The following DCBLD1 variants were observed in gnomAD, a reference collection of about 807,000 sequenced individuals.
DCBLD1 encodes discoidin, CUB and LCCL domain-containing protein 1.
A neutral mutation model predicts 71.5 loss-of-function variants in DCBLD1; 57 were observed. The ratio of observed to expected loss-of-function variants is 0.80; its 90% CI spans 0.64 to 0.99. The LOEUF (loss-of-function observed/expected upper bound fraction) is 0.99. Ranked by LOEUF, DCBLD1 falls within the 50% of genes least tolerant of loss-of-function variation. DCBLD1 has a pLI of 0.00. For missense variants in DCBLD1, 891 were observed against 923.5 expected, an observed-to-expected ratio of 0.96 and a Z score of 0.46; for synonymous variants, 380 against 363.8, an observed-to-expected ratio of 1.04 and a Z score of -0.51.
chr6:117,508,865 GA>G (rs1357514602), intron 2 of DCBLD1, among the ~76,000 whole-genome samples: 2 of 152,306 alleles, frequency 1.3e-5, no homozygotes, highest in Admixed American at 6.5e-5. Flanking sequence ...GGTCTCAAAG[GA>G]GGTTGTTCTG....
At chr6:117,534,301 T>G (rs1202786992) in intron 6 of DCBLD1, among the ~76,000 whole-genome samples, 2 of 152,234 alleles carry the variant, frequency 1.3e-5, no homozygotes, top group Admixed American at 6.5e-5. Flanking sequence ...TGCCACATAC[T>G]TTTCAGAACA....
In DCBLD1 at chr6:117,527,609, C is replaced by A. The variant is rs116831890; in HGVS notation, c.585+2175C>A. ...CAGTGGATAAAAGTTACAGGGATGC[C>A]AATTTCAGCTGCATATAAGGAATAA... On this transcript the variant is annotated intron_variant, in intron 5 of 14. Transcript: ENST00000338728. Among the ~76,000 whole-genome samples the A allele has an allele frequency of 8.8e-3, 1,333 of 152,222 alleles. 18 individuals carry two copies. Among genetic ancestry groups the A allele is most frequent in the African/African-American group, 0.029 (1,223 of 41,514 alleles).
At chr6:117,505,268 T>G (rs1777800957) in intron 2 of DCBLD1, among the ~76,000 whole-genome samples, 1 of 152,192 alleles carries the variant, frequency 6.6e-6, no homozygotes, top group Admixed American at 6.5e-5. Flanking sequence ...GGAACATTTA[T>G]TGTTCCATTA....
intron 2 of DCBLD1, among the ~76,000 whole-genome samples, chr6:117,505,707 C>T (rs1422273957): frequency 6.6e-6 from 1 of 152,106 alleles, no homozygotes; most frequent in Non-Finnish European, 1.5e-5. Flanking sequence ...TGGCTTATGC[C>T]TGTAATCCTA....
intron 1 of DCBLD1, among the ~76,000 whole-genome samples, chr6:117,498,464 A>ACACTC (rs1484285572): frequency 1.3e-5 from 2 of 152,312 alleles, no homozygotes; most frequent in South Asian, 4.2e-4. Context: ...GAGTGGTCAA[A>ACACTC]TTCCCTGTGG....
In DCBLD1 at chr6:117,549,362, T is replaced by A. The variant is rs537684469; in HGVS notation, c.*923T>A. ...TCATGCAAAAGTGATTCTGACCAAG[T>A]CTAAATCGAGCTTTTCTACTGACAT... On this transcript the variant is annotated 3_prime_UTR_variant, in exon 15 of 15. Transcript: ENST00000338728. The A allele has an allele frequency of 7.7e-5, 76 of 985,434 alleles. 1 individual carries two copies. In the South Asian group the frequency reaches 3.1e-3, roughly 41 times the overall value. 61.0% of individuals were successfully genotyped at this position (985,434 alleles called of 1,614,324 possible).
At chr6:117,510,806 A>G (rs1384103336) in intron 2 of DCBLD1, among the ~76,000 whole-genome samples, 1 of 152,220 alleles carries the variant, frequency 6.6e-6, no homozygotes, top group Non-Finnish European at 1.5e-5. Context: ...TGGTTTACAT[A>G]AAATTTTAAA....
At chr6:117,506,425 C>T (rs1186293027) in intron 2 of DCBLD1, among the ~76,000 whole-genome samples, 2 of 152,148 alleles carry the variant, frequency 1.3e-5, no homozygotes, top group South Asian at 2.1e-4. Context: ...ACAGCAATTT[C>T]GTCTAAAACA....
Position 117,538,617 on chromosome 6 carries a change from C to G in DCBLD1, c.761-3C>G. 6.2e-7 allele frequency: 1 copy of G among 1,607,592 alleles called. No homozygotes were observed. Among genetic ancestry groups the G allele is most frequent in the Middle Eastern group, 1.7e-4 (1 of 6,016 alleles). On this transcript the variant is annotated splice_region_variant and splice_polypyrimidine_tract_variant and intron_variant, in intron 7 of 14. Transcript: ENST00000338728. ...AAAATATCTTACTGCACTCTTTTTT[C>G]AGGTTGCAGCAGATCCTTGAGTTTT...
chr6:117,566,795 C>T (rs1779705607), intron 14 of DCBLD1: 4 of 1,145,278 alleles, frequency 3.5e-6, no homozygotes, highest in East Asian at 5.5e-5. Context: ...GAGGCCTTCA[C>T]ATTTTAAACA....
In DCBLD1 at chr6:117,510,441, A is replaced by C. The variant is rs556028062; in HGVS notation, c.325+6462A>C. ...GCTGCCTACCCTAGAACCTTCTCTG[A>C]TGTTCATCAGTTTGTCCCTTTTCTG... On this transcript the variant is annotated intron_variant, in intron 2 of 14. Transcript: ENST00000338728. 3.3e-5 allele frequency among the ~76,000 whole-genome samples: 5 copies of C among 152,126 alleles called. No individual in the cohort carries two copies. In the South Asian group the frequency reaches 1.0e-3, roughly 32 times the overall value.
At chr6:117,505,330 C>T (rs1367778379) in intron 2 of DCBLD1, among the ~76,000 whole-genome samples, 1 of 152,006 alleles carries the variant, frequency 6.6e-6, no homozygotes, top group Non-Finnish European at 1.5e-5. Flanking sequence ...TCAGGGAGTC[C>T]CTCATTAGCC....
At chr6:117,504,085 G>T in intron 2 of DCBLD1, 106 bp downstream of exon 2, 1 of 1,251,094 alleles carries the variant, frequency 8.0e-7, no homozygotes, top group Non-Finnish European at 1.1e-6. Flanking sequence ...GATTAGAAGA[G>T]AAACTTGCTT....
At chr6:117,553,693 C>A (rs1474854301), downstream of DCBLD1, among the ~76,000 whole-genome samples, 1 of 152,156 alleles carries the variant, frequency 6.6e-6, no homozygotes, top group African/African-American at 2.4e-5. Flanking sequence ...TGTTCAAGCC[C>A]CTTTTGCATC....
chr6:117,539,478 CAGTG>C (rs1779017373), intron 9 of DCBLD1, 99 bp downstream of exon 9: 2 of 1,354,180 alleles, frequency 1.5e-6, no homozygotes. Flanking sequence ...TAATAAAAGA[CAGTG>C]AGGCCAAGCA....
chr6:117,503,029 T>C (rs944291324), intron 1 of DCBLD1, among the ~76,000 whole-genome samples: 3 of 152,344 alleles, frequency 2.0e-5, no homozygotes, highest in East Asian at 3.9e-4. Flanking sequence ...ATATAACACA[T>C]AGCACCTAGA....
At chr6:117,488,474 G>T (rs1777166301) in intron 1 of DCBLD1, among the ~76,000 whole-genome samples, 1 of 151,654 alleles carries the variant, frequency 6.6e-6, no homozygotes, top group Admixed American at 6.6e-5. Context: ...CGAAACCCCC[G>T]ACTCTACAAA....
chr6:117,519,097 A>C (rs1778301482), intron 2 of DCBLD1, among the ~76,000 whole-genome samples: 2 of 152,156 alleles, frequency 1.3e-5, no homozygotes, highest in Admixed American at 1.3e-4. Flanking sequence ...TAAAAGCTAA[A>C]CTTCAGTTTG....
At chr6:117,499,137 G>A (rs1337835722) in intron 1 of DCBLD1, among the ~76,000 whole-genome samples, 2 of 150,686 alleles carry the variant, frequency 1.3e-5, no homozygotes, top group African/African-American at 4.9e-5. Flanking sequence ...GTGCAGTGGT[G>A]CACACCTGTA....
Sources: gnomAD v4.1 joint callset for allele counts (sites outside exome capture counted in the v4.1 genomes callset) on GRCh38, gnomAD v4.1.1 for gene constraint, MANE v1.5 for transcripts, NCBI Gene and HGNC (gene_info 2026-07-23, HGNC 2026-07-21) for gene names.